The following GALNT13 variants were observed in gnomAD, a reference collection of about 807,000 sequenced individuals.
The protein encoded by GALNT13 is polypeptide N-acetylgalactosaminyltransferase 13, also known as UDP-GalNAc:polypeptide N-acetylgalactosaminyltransferase 13.
A neutral mutation model predicts 64.2 loss-of-function variants in GALNT13; 28 were observed. The ratio of observed to expected loss-of-function variants is 0.44; its 90% CI spans 0.32 to 0.60. The LOEUF is 0.60. Among genes scored for constraint, GALNT13 ranks in the 20% least tolerant of loss-of-function variants. GALNT13 has a pLI of 0.05. For synonymous variants in GALNT13, 214 were observed against 224.6 expected (o/e 0.95, Z 0.42); for missense variants, 577 against 669.8 (o/e 0.86, Z 1.53).
the GALNT13 span, among the ~76,000 whole-genome samples, chr2:153,082,610 TATATATATACACACACACACACACACAC>T: frequency 2.3e-5 from 1 of 43,418 alleles, no homozygotes; most frequent in African/African-American, 1.1e-4. Flanking sequence ...TATATATATA[TATATATATACACACACACACACACACAC>T]ACACACACAC....
At chr2:154,407,069 T>A (rs1699579824) in intron 10 of GALNT13, among the ~76,000 whole-genome samples, 1 of 152,152 alleles carries the variant, frequency 6.6e-6, no homozygotes, top group Admixed American at 6.6e-5. Context: ...TGTCAGAGTA[T>A]GTACTAGGCT....
At chr2:154,029,543 A>G (rs929637602) in intron 3 of GALNT13, among the ~76,000 whole-genome samples, 4 of 152,166 alleles carry the variant, frequency 2.6e-5, no homozygotes, top group African/African-American at 7.2e-5. Context: ...TCCTGAGTAG[A>G]ATGATTCAAA....
the GALNT13 span, among the ~76,000 whole-genome samples, chr2:153,441,902 A>G: frequency 2.0e-5 from 3 of 152,126 alleles, no homozygotes; most frequent in South Asian, 2.1e-4. Flanking sequence ...GATGGAGACA[A>G]TTTGACTTCC....
the GALNT13 span, chr2:153,478,372 A>G: frequency 1.2e-6 from 2 of 1,613,122 alleles, no homozygotes; most frequent in Middle Eastern, 1.7e-4. Flanking sequence ...GGTGAGTGAG[A>G]GCACGCACAT....
intron 3 of GALNT13, among the ~76,000 whole-genome samples, chr2:154,094,407 G>A (rs1167622421): frequency 6.6e-6 from 1 of 151,794 alleles, no homozygotes; most frequent in African/African-American, 2.4e-5. Flanking sequence ...AACTCTTATG[G>A]TTACTAAGGC....
At chr2:153,275,539 C>A in the GALNT13 span, among the ~76,000 whole-genome samples, 1 of 152,080 alleles carries the variant, frequency 6.6e-6, no homozygotes, top group Non-Finnish European at 1.5e-5. Context: ...TTCTCAGCCT[C>A]CAGAAGTATG....
chr2:153,976,844 G>A (rs73965335), intron 3 of GALNT13, among the ~76,000 whole-genome samples: 9,323 of 151,948 alleles, frequency 0.061, 595 homozygotes, highest in African/African-American at 0.16. Context: ...AAATTAATAT[G>A]GAAACATGAA....
the GALNT13 span, among the ~76,000 whole-genome samples, chr2:153,630,801 ATATATATTTTTTT>A: frequency 3.0e-3 from 51 of 17,234 alleles, no homozygotes; most frequent in African/African-American, 6.7e-3. Flanking sequence ...ATATATATAT[ATATATATTTTTTT>A]TTTTTTTTTT....
chr2:153,163,829 C>G, the GALNT13 span, among the ~76,000 whole-genome samples: 1 of 152,032 alleles, frequency 6.6e-6, no homozygotes, highest in Admixed American at 6.5e-5. Flanking sequence ...ACCATCCTGG[C>G]TAACACGGTG....
chr2:153,568,064 T>C, the GALNT13 span, among the ~76,000 whole-genome samples: 11 of 152,238 alleles, frequency 7.2e-5, no homozygotes, highest in African/African-American at 1.2e-4. Context: ...TTTCCATTTC[T>C]AAAGTCACTG....
At chr2:154,087,748 A>G (rs1701605526) in intron 3 of GALNT13, among the ~76,000 whole-genome samples, 1 of 152,066 alleles carries the variant, frequency 6.6e-6, no homozygotes, top group African/African-American at 2.4e-5. Flanking sequence ...CACACGGGAG[A>G]TGTTTCTCTT....
intron 4 of GALNT13, among the ~76,000 whole-genome samples, chr2:154,227,493 A>G (rs62171201): frequency 0.046 from 3,703 of 80,140 alleles, 85 homozygotes; most frequent in Middle Eastern, 0.19. Context: ...CCCCCACCCC[A>G]CAACAGGCCC....
chr2:154,177,287 AAAG>A (rs1484560661), intron 4 of GALNT13, among the ~76,000 whole-genome samples: 2 of 152,200 alleles, frequency 1.3e-5, no homozygotes, highest in Non-Finnish European at 1.5e-5. Context: ...TTGCTAAATT[AAAG>A]AAGACAGGCT....
the GALNT13 span, among the ~76,000 whole-genome samples, chr2:153,266,307 G>A: frequency 3.9e-5 from 6 of 152,158 alleles, no homozygotes; most frequent in African/African-American, 9.7e-5. Context: ...ATTTGACAAC[G>A]TTAGAGAAAA....
At chr2:153,959,750 G>A (rs1214837227) in intron 3 of GALNT13, among the ~76,000 whole-genome samples, 2 of 152,190 alleles carry the variant, frequency 1.3e-5, no homozygotes, top group African/African-American at 4.8e-5. Flanking sequence ...AGAGGGAGAG[G>A]CCTGCACCAA....
At chr2:153,222,270 C>T in the GALNT13 span, among the ~76,000 whole-genome samples, 1 of 83,850 alleles carries the variant, frequency 1.2e-5, no homozygotes, top group Non-Finnish European at 2.2e-5. Flanking sequence ...AGCTCATTTC[C>T]GCAGGCAGGT....
At chr2:154,114,094 C>T (rs1703140232) in intron 3 of GALNT13, among the ~76,000 whole-genome samples, 1 of 152,198 alleles carries the variant, frequency 6.6e-6, no homozygotes, top group African/African-American at 2.4e-5. Context: ...GGAATCACCA[C>T]TCCTGCATCT....
the GALNT13 span, among the ~76,000 whole-genome samples, chr2:153,156,852 A>C: frequency 6.2e-4 from 94 of 152,186 alleles, no homozygotes; most frequent in African/African-American, 2.2e-3. Context: ...TGGTATTGAT[A>C]GAAAGTAAAA....
At chr2:154,225,297 T>C (rs1023359256) in intron 4 of GALNT13, among the ~76,000 whole-genome samples, 1 of 152,098 alleles carries the variant, frequency 6.6e-6, no homozygotes, top group East Asian at 1.9e-4. Context: ...TGTACTGAGA[T>C]ACGTTTATTC....
Sources: allele counts gnomAD v4.1 joint callset (sites outside exome capture counted in the v4.1 genomes callset), GRCh38; gene constraint gnomAD v4.1.1; transcripts MANE v1.5; gene names NCBI Gene and HGNC (gene_info 2026-07-23, HGNC 2026-07-21).